Variants in RAPGEF5 observed in about 807,000 individuals in gnomAD.
RAPGEF5 encodes M-Ras-regulated GEF.
RAPGEF5 carries 65 observed loss-of-function variants against 125.2 expected under a neutral mutation model. The ratio of observed to expected loss-of-function variants is 0.52; its 90% CI spans 0.43 to 0.64. The LOEUF (loss-of-function observed/expected upper bound fraction) is 0.64, where lower values mean the gene tolerates loss of function less well. RAPGEF5 is among the 30% of genes least tolerant of loss of function. RAPGEF5 has a pLI of 0.00. For missense variants in RAPGEF5, 958 were observed against 1,048.1 expected, an observed-to-expected ratio of 0.91 and a Z score of 1.19; for synonymous variants, 391 against 385.9, an observed-to-expected ratio of 1.01 and a Z score of -0.16.
rs550775749 is a variant in RAPGEF5 at position 22,179,668 on chromosome 7, TG to T, written c.1205-12521del. On this transcript the variant is annotated intron_variant, in intron 11 of 25. Transcript: ENST00000665637. ...AAGATCTTGCTGATAAAACAACATG[TG>T]GTAAAGAAGCCAGCCAAATCCCACC... 2.3e-3 allele frequency among the ~76,000 whole-genome samples: 353 copies of T among 152,126 alleles called. 2 individuals are homozygous for T. The highest frequency in any genetic ancestry group is 7.9e-3 in the African/African-American group (329 of 41,494).
chr7:22,149,482 T>C (rs1482219276), intron 18 of RAPGEF5, among the ~76,000 whole-genome samples: 2 of 152,190 alleles, frequency 1.3e-5, no homozygotes, highest in African/African-American at 4.8e-5. Context: ...AGTCTGGTCC[T>C]CCTATTCAGA....
Position 22,127,195 on chromosome 7 carries a change from C to A in RAPGEF5, c.2482-1537G>T, listed in dbSNP as rs562480869. Among the ~76,000 whole-genome samples the A allele has an allele frequency of 1.1e-4, 17 of 152,070 alleles. No individual in the cohort carries two copies. In the South Asian group the frequency reaches 3.5e-3, roughly 32 times the overall value. On this transcript the variant is annotated intron_variant, in intron 24 of 25. Transcript: ENST00000665637. ...CTGGGATTACAGAGGCATGCCACCA[C>A]ACCCAGCTAATTTTTATATTTTTAG...
At chr7:22,237,163 C>G (rs1786212627) in intron 7 of RAPGEF5, among the ~76,000 whole-genome samples, 1 of 152,194 alleles carries the variant, frequency 6.6e-6, no homozygotes, top group African/African-American at 2.4e-5. Context: ...TCTATGGCCC[C>G]TGACAAAATG....
rs62447962 is a variant in RAPGEF5 at position 22,118,891 on chromosome 7, T to G, written c.*3515A>C. The G allele has an allele frequency of 3.7e-5, 5 of 136,720 alleles. No individual in the cohort carries two copies. The highest frequency in any genetic ancestry group is 2.3e-4 in the South Asian group (1 of 4,264). 8.5% of individuals were successfully genotyped at this position (136,720 alleles called of 1,614,324 possible). On this transcript the variant is annotated 3_prime_UTR_variant, in exon 26 of 26. Coordinates refer to ENST00000665637, the MANE Select transcript of RAPGEF5 (RefSeq NM_012294.5). ...TAACTTTTTGGCAATTTTTAAAAAC[T>G]TCCCCCCCGCCCCCCCACCAGTTTT...
chr7:22,300,622 A>G (rs1421528265), intron 5 of RAPGEF5, among the ~76,000 whole-genome samples: 1 of 152,174 alleles, frequency 6.6e-6, no homozygotes, highest in Non-Finnish European at 1.5e-5. Context: ...TGTCCAGCTC[A>G]GGAAACTCAC....
chr7:22,211,155 T>A (rs1785499183), intron 9 of RAPGEF5, among the ~76,000 whole-genome samples: 1 of 152,220 alleles, frequency 6.6e-6, no homozygotes, highest in South Asian at 2.1e-4. Flanking sequence ...GGATGCCAGA[T>A]GGAATTTTTC....
chr7:22,195,507 G>C (rs778878994), intron 9 of RAPGEF5, among the ~76,000 whole-genome samples: 3 of 152,130 alleles, frequency 2.0e-5, no homozygotes, highest in Non-Finnish European at 2.9e-5. Flanking sequence ...TAAAACCGAT[G>C]TATTACATTT....
At chr7:22,287,813 A>G (rs1782832178) in intron 6 of RAPGEF5, among the ~76,000 whole-genome samples, 1 of 152,252 alleles carries the variant, frequency 6.6e-6, no homozygotes, top group Non-Finnish European at 1.5e-5. Context: ...AAATGCTTCT[A>G]GAATGAACAA....
chr7:22,322,223 C>T (rs1268844112), intron 1 of RAPGEF5, among the ~76,000 whole-genome samples: 1 of 151,772 alleles, frequency 6.6e-6, no homozygotes, highest in East Asian at 1.9e-4. Context: ...GCAGCCTTGA[C>T]CTCCCAGGCT....
intron 1 of RAPGEF5, among the ~76,000 whole-genome samples, chr7:22,351,413 A>C (rs142925746): frequency 2.0e-4 from 30 of 152,306 alleles, no homozygotes; most frequent in African/African-American, 5.5e-4. Context: ...CACAGTTTAG[A>C]GTAAATAGAC....
At chr7:22,221,579 A>G (rs1785790895) in intron 8 of RAPGEF5, among the ~76,000 whole-genome samples, 1 of 152,170 alleles carries the variant, frequency 6.6e-6, no homozygotes, top group Admixed American at 6.5e-5. Flanking sequence ...ATTTAATCAT[A>G]GGGGCAGGAT....
intron 9 of RAPGEF5, among the ~76,000 whole-genome samples, chr7:22,207,551 G>A (rs1785424861): frequency 6.6e-6 from 1 of 151,902 alleles, no homozygotes; most frequent in African/African-American, 2.4e-5. Context: ...CTCTATGAAG[G>A]GCATACATTA....
intron 6 of RAPGEF5, among the ~76,000 whole-genome samples, chr7:22,283,555 A>C (rs1306420400): frequency 2.0e-5 from 3 of 152,178 alleles, no homozygotes; most frequent in Non-Finnish European, 2.9e-5. Context: ...ACAAAGAAGA[A>C]GCCAAATATG....
chr7:22,356,910 G>A lies in RAPGEF5; in HGVS notation c.151C>T (p.Arg51Trp), dbSNP rs893340326. Residue 51 changes from arginine (R) to tryptophan (W), a missense_variant, in exon 1 of 26, where the codon CGG becomes TGG. By Grantham distance (101) the Arg-to-Trp change is moderately radical. Coordinates refer to ENST00000665637, the MANE Select transcript of RAPGEF5 (RefSeq NM_012294.5). ...PEREQPPASL[R>W]PRLRDLPALL... is the part of the protein sequence containing the mutation. Reference sequence around the variant, plus strand: ...GCGGGCAGGTCCCTCAGCCGCGGCCGCAGCGACGCCGGCGGCTGCTCGCGC... The same window carrying A: ...GCGGGCAGGTCCCTCAGCCGCGGCCACAGCGACGCCGGCGGCTGCTCGCGC... 2 of 1,108,456 alleles carry A rather than the reference G, an allele frequency of 1.8e-6. No homozygotes were observed. The highest frequency in any genetic ancestry group is 2.2e-6 in the Non-Finnish European group (2 of 910,514). 68.7% of individuals were successfully genotyped at this position (1,108,456 alleles called of 1,614,324 possible).
At chr7:22,232,148 T>C (rs1786073719) in intron 7 of RAPGEF5, among the ~76,000 whole-genome samples, 1 of 152,084 alleles carries the variant, frequency 6.6e-6, no homozygotes, top group Non-Finnish European at 1.5e-5. Context: ...AAAAAAGAGA[T>C]GAAGGAGAAG....
intron 11 of RAPGEF5, among the ~76,000 whole-genome samples, chr7:22,183,928 C>A (rs1364006652): frequency 6.6e-6 from 1 of 151,968 alleles, no homozygotes; most frequent in Admixed American, 6.6e-5. Flanking sequence ...TTTCTAAGGT[C>A]ATTCTTTCCC....
rs1019742781 is a variant in RAPGEF5, at chr7:22,256,642, G to T, written c.796+10322C>A. Among the ~76,000 whole-genome samples the T allele has an allele frequency of 2.6e-4, 39 of 152,268 alleles. 1 individual carries two copies. In the East Asian group the frequency reaches 6.8e-3, roughly 26 times the overall value. On this transcript the variant is annotated intron_variant, in intron 7 of 25. Transcript: ENST00000665637. ...AGTGAAATTTAAACACTGCCAAGGA[G>T]ATTTACCACTATGAGATTTCTGGCT...
Position 22,167,166 on chromosome 7 carries a change from AC to A in RAPGEF5, c.1205-19del, listed in dbSNP as rs1304007164. ...GAGGGTCTCTGCAAAGAAAAAAAAA[AC>A]AAACACAAGGTAAGCAAAGAGGTGG... is the stretch of plus-strand genomic sequence containing the variant. On this transcript the variant is annotated intron_variant, in intron 11 of 25. Coordinates refer to ENST00000665637, the MANE Select transcript of RAPGEF5 (RefSeq NM_012294.5). The A allele has an allele frequency of 1.5e-5, 24 of 1,594,986 alleles. No individual in the cohort carries two copies. Among genetic ancestry groups the A allele is most frequent in the Non-Finnish European group, 1.9e-5 (22 of 1,164,850 alleles).
chr7:22,216,871 C>T (rs533839641), intron 9 of RAPGEF5, among the ~76,000 whole-genome samples: 5 of 152,218 alleles, frequency 3.3e-5, no homozygotes, highest in South Asian at 2.1e-4. Context: ...TCTCTAATGG[C>T]ATGCATTTAT....
Sources: allele counts gnomAD v4.1 joint callset (sites outside exome capture counted in the v4.1 genomes callset), GRCh38; gene constraint gnomAD v4.1.1; transcripts MANE v1.5; gene names NCBI Gene and HGNC (gene_info 2026-07-23, HGNC 2026-07-21).